Variants in SPAG9 observed in about 807,000 individuals in gnomAD.
SPAG9 encodes sperm associated antigen 9, also known as C-Jun-amino-terminal kinase-interacting protein 4.
In SPAG9, 35 loss-of-function variants were observed where a neutral mutation model predicts 166.5. The ratio of observed to expected loss-of-function variants is 0.21; its 90% CI spans 0.16 to 0.28. The LOEUF is 0.28. SPAG9 is among the 10% of genes least tolerant of loss of function. SPAG9 has a pLI of 1.00. For synonymous variants in SPAG9, 534 were observed against 565.5 expected (o/e 0.94, Z 0.79); for missense variants, 1,235 against 1,603.3 (o/e 0.77, Z 3.92).
At chr17:51,069,908 G>A (rs558089839) in intron 2 of SPAG9, among the ~76,000 whole-genome samples, 2 of 152,044 alleles carry the variant, frequency 1.3e-5, no homozygotes, top group South Asian at 2.1e-4. Flanking sequence ...TCAAAAAGAC[G>A]AATTTTCATT....
chr17:51,041,415 C>A, intron 5 of SPAG9, 86 bp downstream of exon 5: 1 of 1,247,774 alleles, frequency 8.0e-7, no homozygotes, highest in South Asian at 1.6e-5. Context: ...TTACATTTTA[C>A]TATACTGTGG....
intron 2 of SPAG9, among the ~76,000 whole-genome samples, chr17:51,063,621 C>T (rs1199920579): frequency 3.3e-5 from 5 of 152,260 alleles, no homozygotes; most frequent in African/African-American, 1.2e-4. Flanking sequence ...TAGTGGCTCA[C>T]ACCTGTAATC....
chr17:51,065,583 T>C (rs2047640071), intron 2 of SPAG9, among the ~76,000 whole-genome samples: 1 of 152,202 alleles, frequency 6.6e-6, no homozygotes, highest in South Asian at 2.1e-4. Flanking sequence ...ATCATTCCTT[T>C]GCCTCAACAC....
rs1184724963 is a variant in SPAG9 at position 50,990,680 on chromosome 17, ATCT to A, written c.2399-15_2399-13del. The A allele has an allele frequency of 1.9e-6, 3 of 1,605,384 alleles. No homozygotes were observed. The highest frequency in any genetic ancestry group is 2.6e-6 in the Non-Finnish European group (3 of 1,172,150). On this transcript the variant is annotated splice_polypyrimidine_tract_variant and intron_variant, in intron 19 of 29. Coordinates refer to ENST00000262013, the MANE Select transcript of SPAG9 (RefSeq NM_001130528.3). ...TGTTTCTCGTGCACCTGAAAAATAA[ATCT>A]TCTTGTAACAGCAAAGTAAACTTCT...
intron 3 of SPAG9, among the ~76,000 whole-genome samples, chr17:51,048,186 TCAAGAATATAAAG>T (rs1423778401): frequency 6.6e-6 from 1 of 152,068 alleles, no homozygotes. Flanking sequence ...AGTAAAAACT[TCAAGAATATAAAG>T]TACATAAACT....
chr17:51,096,038 G>GATATATATATAGTGATATAT (rs2048635885), intron 1 of SPAG9, among the ~76,000 whole-genome samples: 3 of 92,632 alleles, frequency 3.2e-5, no homozygotes, highest in African/African-American at 1.2e-4. Flanking sequence ...TATATATAGT[G>GATATATATATAGTGATATAT]ATATATATAT....
rs942060326 is a variant in SPAG9 at position 51,120,300 on chromosome 17, C to G, written c.303+54G>C. On this transcript the variant is annotated intron_variant, in intron 1 of 29. Transcript: ENST00000262013. This position sits in a 1 kb window ranked among gnomAD's most constrained non-coding sequence, Gnocchi z 4.7. ...GTCCCCGACCGGGCCGCGACCCCGC[C>G]CCGGCCGCCCCCGGAGACGGATCCC... is the stretch of plus-strand genomic sequence containing the variant. The G allele has an allele frequency of 9.0e-6, 13 of 1,437,506 alleles. No homozygotes were observed. The highest frequency in any genetic ancestry group is 1.2e-5 in the Non-Finnish European group (13 of 1,092,664). 89.0% of individuals were successfully genotyped at this position (1,437,506 alleles called of 1,614,324 possible).
chr17:50,974,803 C>T lies in SPAG9; in HGVS notation c.3668G>A (p.Arg1223Gln), dbSNP rs768595072. Reference sequence around the variant, plus strand: ...TGCCACAAAGAATTTCACAGCATCCCGGTGCCCATGGAAGCAAAGCTGTGC... The same window carrying T: ...TGCCACAAAGAATTTCACAGCATCCTGGTGCCCATGGAAGCAAAGCTGTGC... ...AHAQLCFHGH[R>Q]DAVKFFVAVP... The change falls in exon 28 of 30, where the codon CGG becomes CAG. Residue 1223 changes from arginine to glutamine, a missense_variant. Arg to Gln is a conservative substitution (Grantham distance 43). Transcript: ENST00000262013. 3.1e-5 allele frequency: 49 copies of T among 1,604,488 alleles called. No homozygotes were observed. In the Admixed American group the frequency reaches 6.4e-4, roughly 21 times the overall value.
chr17:50,982,735 A>C, intron 24 of SPAG9, 63 bp from the exon 25 acceptor site: 1 of 1,393,156 alleles, frequency 7.2e-7, no homozygotes, highest in Non-Finnish European at 9.8e-7. Context: ...TCAACACAAG[A>C]AACATTTTAT....
chr17:51,082,934 C>T (rs1158655888), intron 1 of SPAG9, among the ~76,000 whole-genome samples: 2 of 152,070 alleles, frequency 1.3e-5, no homozygotes. Context: ...TAGGGGTGGG[C>T]ACATGATTTG....
chr17:51,077,477 T>G (rs1038665157), intron 2 of SPAG9, among the ~76,000 whole-genome samples: 3 of 152,120 alleles, frequency 2.0e-5, no homozygotes, highest in Non-Finnish European at 4.4e-5. Flanking sequence ...TTACCTCCAA[T>G]AGTTAAATTT....
chr17:51,053,870 T>A (rs1185464794), intron 3 of SPAG9, among the ~76,000 whole-genome samples: 10 of 82,892 alleles, frequency 1.2e-4, no homozygotes, highest in African/African-American at 6.4e-4. Flanking sequence ...TATATATATA[T>A]ATATATATAT....
rs150462986 is a variant in SPAG9 at position 51,066,613 on chromosome 17, T to C, written c.425-10131A>G. Among the ~76,000 whole-genome samples the C allele has an allele frequency of 6.2e-3, 906 of 145,788 alleles. 13 individuals carry two copies. The highest frequency in any genetic ancestry group is 0.021 in the African/African-American group (830 of 39,206). ...GGCTCACGCCTGTAATCCCAGCACT[T>C]TGGGAGGCCAAGGTGGGCAGATCAC... On this transcript the variant is annotated intron_variant, in intron 2 of 29. Transcript: ENST00000262013.
chr17:51,006,259 T>C, intron 10 of SPAG9, 22 bp from the exon 11 acceptor site: 3 of 1,608,302 alleles, frequency 1.9e-6, no homozygotes, highest in South Asian at 1.1e-5. Context: ...ATATTTCAAG[T>C]GCATCATTAC....
At chr17:51,015,991 T>A (rs1323227128) in intron 8 of SPAG9, among the ~76,000 whole-genome samples, 1 of 152,058 alleles carries the variant, frequency 6.6e-6, no homozygotes, top group African/African-American at 2.4e-5. Flanking sequence ...CATTAATTTT[T>A]AAAAAATCAA....
intron 1 of SPAG9, among the ~76,000 whole-genome samples, chr17:51,088,860 C>T (rs539087640): frequency 1.3e-5 from 2 of 151,630 alleles, no homozygotes; most frequent in African/African-American, 2.4e-5. Context: ...TTTGGGAGGC[C>T]GAGGCAGGTG....
At chr17:51,090,559 TG>T (rs1374468866) in intron 1 of SPAG9, among the ~76,000 whole-genome samples, 1 of 152,156 alleles carries the variant, frequency 6.6e-6, no homozygotes, top group Non-Finnish European at 1.5e-5. Context: ...GAGCCCCTAT[TG>T]TTTTAAATAT....
chr17:51,059,064 TAAAC>T (rs1299852276), intron 2 of SPAG9, among the ~76,000 whole-genome samples: 1 of 152,174 alleles, frequency 6.6e-6, no homozygotes, highest in Non-Finnish European at 1.5e-5. Context: ...ACAACGTGAA[TAAAC>T]AAATTATTGC....
At chr17:51,095,600 G>A (rs909854990) in intron 1 of SPAG9, among the ~76,000 whole-genome samples, 3 of 150,378 alleles carry the variant, frequency 2.0e-5, no homozygotes, top group African/African-American at 4.9e-5. Context: ...GCAGTGAGCC[G>A]AGATCATGCC....
Sources: gnomAD v4.1 joint callset for allele counts (sites outside exome capture counted in the v4.1 genomes callset) on GRCh38, gnomAD v4.1.1 for gene constraint, Gnocchi (gnomAD v3.1) non-coding constraint, MANE v1.5 for transcripts, NCBI Gene and HGNC (gene_info 2026-07-23, HGNC 2026-07-21) for gene names.